DLEU7: variants seen among roughly 807,000 people sequenced by gnomAD.
The protein encoded by DLEU7 is deleted in lymphocytic leukemia 7.
DLEU7 carries 17 observed loss-of-function variants against 16.0 expected under a neutral mutation model. The observed-to-expected ratio is 1.06, with a 90% CI of 0.73 to 1.59. The LOEUF (loss-of-function observed/expected upper bound fraction) is 1.59, where lower values mean the gene tolerates loss of function less well. DLEU7 is among the 40% of genes most tolerant of loss of function. The pLI is 0.00. For synonymous variants in DLEU7, 113 were observed against 139.8 expected, an observed-to-expected ratio of 0.81 and a Z score of 1.35; for missense variants, 308 against 314.9, an observed-to-expected ratio of 0.98 and a Z score of 0.17.
chr13:50,749,758 A>G (rs148021965), intron 1 of DLEU7, among the ~76,000 whole-genome samples: 7 of 152,044 alleles, frequency 4.6e-5, no homozygotes, highest in Non-Finnish European at 1.0e-4. Context: ...TTGGCTATTC[A>G]TGTCTTTAGC....
chr13:50,742,919 A>C (rs1328826979), intron 1 of DLEU7, among the ~76,000 whole-genome samples: 2 of 152,148 alleles, frequency 1.3e-5, no homozygotes, highest in African/African-American at 2.4e-5. Context: ...TCGTGGGATG[A>C]GAAAGAGTCT....
chr13:50,828,198 C>G (rs1877156725), intron 1 of DLEU7, among the ~76,000 whole-genome samples: 1 of 152,180 alleles, frequency 6.6e-6, no homozygotes, highest in Non-Finnish European at 1.5e-5. Context: ...ACACTAATCA[C>G]AAGCTTGAGC....
chr13:50,807,448 G>A (rs1876425211), intron 1 of DLEU7, among the ~76,000 whole-genome samples: 1 of 151,490 alleles, frequency 6.6e-6, no homozygotes, highest in African/African-American at 2.4e-5. Flanking sequence ...AGGTACCACT[G>A]CCTATAAAGC....
At chr13:50,731,768 T>C (rs1191215465) in intron 1 of DLEU7, among the ~76,000 whole-genome samples, 1 of 152,162 alleles carries the variant, frequency 6.6e-6, no homozygotes, top group African/African-American at 2.4e-5. Flanking sequence ...TACATTTTCC[T>C]TAATTATCTA....
At chr13:50,837,809 T>A (rs752046159) in intron 1 of DLEU7, among the ~76,000 whole-genome samples, 2 of 152,176 alleles carry the variant, frequency 1.3e-5, no homozygotes, top group Non-Finnish European at 2.9e-5. Context: ...GTACTGACTG[T>A]TATTTTTGTG....
intron 1 of DLEU7, among the ~76,000 whole-genome samples, chr13:50,731,316 C>T (rs1873905970): frequency 6.6e-6 from 1 of 152,112 alleles, no homozygotes; most frequent in African/African-American, 2.4e-5. Context: ...ATTCTTGGTT[C>T]AAAATGCCAA....
intron 1 of DLEU7, among the ~76,000 whole-genome samples, chr13:50,769,750 G>A (rs1490509848): frequency 1.3e-5 from 2 of 152,180 alleles, no homozygotes; most frequent in Non-Finnish European, 2.9e-5. Context: ...TTTAGGCTTA[G>A]GATTGACTTA....
intron 1 of DLEU7, among the ~76,000 whole-genome samples, chr13:50,825,922 C>T (rs1360835724): frequency 6.6e-6 from 1 of 152,154 alleles, no homozygotes; most frequent in Non-Finnish European, 1.5e-5. Flanking sequence ...AGGTTTGTTA[C>T]ATACGTATAC....
At chr13:50,730,825 G>A (rs1873892572) in intron 1 of DLEU7, among the ~76,000 whole-genome samples, 1 of 152,180 alleles carries the variant, frequency 6.6e-6, no homozygotes, top group African/African-American at 2.4e-5. Flanking sequence ...AAATGAAGGT[G>A]TGTGTGTTTG....
intron 1 of DLEU7, among the ~76,000 whole-genome samples, chr13:50,802,820 C>T (rs1248841582): frequency 1.3e-5 from 2 of 152,112 alleles, no homozygotes; most frequent in Admixed American, 1.3e-4. Context: ...ATGTGTATAT[C>T]ATACATGTAC....
chr13:50,783,962 C>A (rs867855714), intron 1 of DLEU7, among the ~76,000 whole-genome samples: 2 of 152,208 alleles, frequency 1.3e-5, no homozygotes, highest in South Asian at 2.1e-4. Flanking sequence ...AGACTTACCA[C>A]TCCCTGTTTT....
intron 1 of DLEU7, among the ~76,000 whole-genome samples, chr13:50,718,822 T>A (rs940727219): frequency 6.6e-6 from 1 of 152,208 alleles, no homozygotes; most frequent in African/African-American, 2.4e-5. Flanking sequence ...ATATATGGTT[T>A]TGGTTAGAAA....
At chr13:50,739,273 C>T (rs2761847) in intron 1 of DLEU7, among the ~76,000 whole-genome samples, 17,670 of 152,106 alleles carry the variant, frequency 0.12, 1,170 homozygotes, top group African/African-American at 0.19. Flanking sequence ...TACTATACCA[C>T]TTCTGTGTAA....
chr13:50,722,467 C>G (rs1247005398), intron 1 of DLEU7, among the ~76,000 whole-genome samples: 1 of 152,176 alleles, frequency 6.6e-6, no homozygotes, highest in Non-Finnish European at 1.5e-5. Context: ...ATTCTTGCCA[C>G]TACACTTCTG....
At chr13:50,725,862 T>C (rs1308121265) in intron 1 of DLEU7, among the ~76,000 whole-genome samples, 1 of 152,212 alleles carries the variant, frequency 6.6e-6, no homozygotes, top group African/African-American at 2.4e-5. Flanking sequence ...TTTACCAGTT[T>C]AAGAGGTATT....
At chr13:50,746,721 A>T (rs902608841) in intron 1 of DLEU7, among the ~76,000 whole-genome samples, 3 of 152,064 alleles carry the variant, frequency 2.0e-5, no homozygotes, top group African/African-American at 7.3e-5. Flanking sequence ...CTACTTCCAC[A>T]CTGTTTTTCA....
rs12875029 is a variant in DLEU7, at chr13:50,775,788, G to C, written c.460-62548C>G. On this transcript the variant is annotated intron_variant, in intron 1 of 1. Transcript: ENST00000400393. Reference sequence around the variant, plus strand: ...TATCTCCGAATTGTTTGTTCCCAGAGTTTACAATAGCTATTGGCAGGAAAG... The same window carrying C: ...TATCTCCGAATTGTTTGTTCCCAGACTTTACAATAGCTATTGGCAGGAAAG... Among the ~76,000 whole-genome samples the C allele has an allele frequency of 2.1e-3, 315 of 152,316 alleles. 1 individual carries two copies. The highest frequency in any genetic ancestry group is 3.4e-3 in the Non-Finnish European group (232 of 68,018).
intron 1 of DLEU7, among the ~76,000 whole-genome samples, chr13:50,785,522 C>G (rs1340085713): frequency 6.6e-6 from 1 of 152,160 alleles, no homozygotes. Flanking sequence ...ATAGTCCTTA[C>G]AGCCTTATCC....
intron 1 of DLEU7, among the ~76,000 whole-genome samples, chr13:50,782,640 C>T (rs1268686490): frequency 6.6e-6 from 1 of 152,050 alleles, no homozygotes; most frequent in Non-Finnish European, 1.5e-5. Flanking sequence ...ACAAAATAGC[C>T]CTAGTTTCCA....
Sources: gnomAD v4.1 joint callset for allele counts (sites outside exome capture counted in the v4.1 genomes callset) on GRCh38, gnomAD v4.1.1 for gene constraint, MANE v1.5 for transcripts, NCBI Gene and HGNC (gene_info 2026-07-23, HGNC 2026-07-21) for gene names.